RBFOX1: variants seen among roughly 807,000 people sequenced by gnomAD.
RBFOX1 encodes the protein RNA binding protein fox-1 homolog 1.
RBFOX1 carries 8 observed loss-of-function variants against 57.7 expected under a neutral mutation model. The ratio of observed to expected loss-of-function variants is 0.14; its 90% CI spans 0.08 to 0.25. RBFOX1 has a LOEUF of 0.25. Among genes scored for constraint, RBFOX1 ranks in the 10% least tolerant of loss-of-function variants. RBFOX1 has a pLI of 1.00. For missense variants in RBFOX1, 611 were observed against 548.5 expected, an observed-to-expected ratio of 1.11 and a Z score of -1.14; for synonymous variants, 326 against 222.4, an observed-to-expected ratio of 1.47 and a Z score of -4.15.
At chr16:6,860,164 C>T (rs1230263140) in intron 3 of RBFOX1, among the ~76,000 whole-genome samples, 1 of 152,186 alleles carries the variant, frequency 6.6e-6, no homozygotes, top group Admixed American at 6.5e-5. Flanking sequence ...TTTCTTGCTT[C>T]ATTTTCTGAG....
intron 1 of RBFOX1, among the ~76,000 whole-genome samples, chr16:5,455,113 A>T (rs977233587): frequency 6.7e-6 from 1 of 149,452 alleles, no homozygotes; most frequent in Non-Finnish European, 1.5e-5. Flanking sequence ...TTTCTCTCTA[A>T]AGTACCTTGA....
At chr16:6,952,615 G>A (rs987831322) in intron 3 of RBFOX1, among the ~76,000 whole-genome samples, 2 of 151,890 alleles carry the variant, frequency 1.3e-5, no homozygotes, top group Non-Finnish European at 2.9e-5. Context: ...TACAGCCTGG[G>A]CAACAGAGCA....
intron 3 of RBFOX1, among the ~76,000 whole-genome samples, chr16:6,673,840 T>C (rs1050697686): frequency 2.0e-5 from 3 of 152,078 alleles, no homozygotes. Context: ...AAGACAGTGC[T>C]AGAGAGAAAA....
intron 4 of RBFOX1, among the ~76,000 whole-genome samples, chr16:6,007,182 G>A (rs950019187): frequency 2.0e-5 from 3 of 152,134 alleles, no homozygotes; most frequent in Non-Finnish European, 2.9e-5. Flanking sequence ...TCAGCTTGGC[G>A]TGAATGAATT....
At position 7,506,210 on chromosome 16, in the gene RBFOX1, AAAAAAAAT is replaced by A. The variant is rs1266716842; in HGVS notation, c.28-11936_28-11929del. 2.4e-3 allele frequency among the ~76,000 whole-genome samples: 361 copies of A among 149,218 alleles called. 5 individuals carry two copies. The highest frequency in any genetic ancestry group is 8.9e-3 in the African/African-American group (352 of 39,488). On this transcript the variant is annotated intron_variant, in intron 4 of 15. Coordinates refer to ENST00000550418, the MANE Select transcript of RBFOX1 (RefSeq NM_018723.4). ...AAAAAAAAAAAAAAAAAAAAAAAAAAAAAAAAATTTCTGTAAGCTGGCATAGTTACCAG... is the reference window on the plus strand; with the variant it reads ...AAAAAAAAAAAAAAAAAAAAAAAAAATTCTGTAAGCTGGCATAGTTACCAG...
At chr16:6,082,277 T>C (rs1196714997) in intron 1 of RBFOX1, among the ~76,000 whole-genome samples, 1 of 145,688 alleles carries the variant, frequency 6.9e-6, no homozygotes, top group Non-Finnish European at 1.5e-5. Flanking sequence ...GCCTCCCAGA[T>C]TCAAGCGATT....
At chr16:6,297,669 C>T (rs186107324) in intron 1 of RBFOX1, among the ~76,000 whole-genome samples, 181 of 152,184 alleles carry the variant, frequency 1.2e-3, no homozygotes, top group African/African-American at 3.8e-3. Flanking sequence ...TGGCCCACCA[C>T]ACCCCCCTAT....
chr16:6,002,659 G>C (rs1245455844), intron 4 of RBFOX1, among the ~76,000 whole-genome samples: 2 of 152,156 alleles, frequency 1.3e-5, no homozygotes, highest in African/African-American at 2.4e-5. Flanking sequence ...TTTCCAGAAA[G>C]GACACAGCTT....
At chr16:5,690,205 A>G (rs1441333852) in intron 3 of RBFOX1, among the ~76,000 whole-genome samples, 1 of 152,248 alleles carries the variant, frequency 6.6e-6, no homozygotes, top group Non-Finnish European at 1.5e-5. Flanking sequence ...GAAAGGGCAT[A>G]CATTGAAGAC....
chr16:7,374,469 G>T (rs140431606), intron 4 of RBFOX1, among the ~76,000 whole-genome samples: 1 of 152,084 alleles, frequency 6.6e-6, no homozygotes, highest in East Asian at 1.9e-4. Flanking sequence ...AAGATATGGT[G>T]TAACTGTATC....
At chr16:6,870,142 G>A (rs1360867731) in intron 3 of RBFOX1, among the ~76,000 whole-genome samples, 1 of 152,128 alleles carries the variant, frequency 6.6e-6, no homozygotes, top group Admixed American at 6.5e-5. Context: ...GGACCACCTA[G>A]TTTTCACAGG....
intron 3 of RBFOX1, among the ~76,000 whole-genome samples, chr16:7,045,888 C>T (rs975126320): frequency 2.6e-5 from 4 of 152,086 alleles, no homozygotes; most frequent in African/African-American, 9.7e-5. Context: ...GAACTCCTGA[C>T]CTCAGATGAT....
intron 3 of RBFOX1, among the ~76,000 whole-genome samples, chr16:5,730,832 T>C (rs565110968): frequency 6.6e-6 from 1 of 151,696 alleles, no homozygotes; most frequent in South Asian, 2.1e-4. Context: ...TCACCACCAT[T>C]ATCATCATCA....
intron 4 of RBFOX1, among the ~76,000 whole-genome samples, chr16:7,284,695 A>T (rs1297074688): frequency 1.3e-5 from 2 of 152,144 alleles, no homozygotes; most frequent in African/African-American, 4.8e-5. Context: ...TTCGGTGTTT[A>T]ATCCTGGATC....
chr16:6,346,678 AG>A (rs2085428911), intron 2 of RBFOX1, among the ~76,000 whole-genome samples: 1 of 152,154 alleles, frequency 6.6e-6, no homozygotes, highest in African/African-American at 2.4e-5. Context: ...ATTTGTCTAT[AG>A]TTTTTTTATT....
At chr16:5,775,887 T>C (rs896213293) in intron 3 of RBFOX1, among the ~76,000 whole-genome samples, 1 of 152,014 alleles carries the variant, frequency 6.6e-6, no homozygotes. Flanking sequence ...GGCCAGACAA[T>C]TGTTCTCCTT....
chr16:6,983,708 T>C lies in RBFOX1; in HGVS notation c.-15-68349T>C, dbSNP rs565153023. On this transcript the variant is annotated intron_variant, in intron 3 of 15. Transcript: ENST00000550418. ...TCCTGGGAAAACAGTGTTGCATCTC[T>C]AGGCTTGAAGGTCTGCTCTTCTGCT... The C allele has an allele frequency of 2.4e-4, 36 of 152,534 alleles. No homozygotes were observed. In the East Asian group the frequency reaches 5.8e-3, roughly 25 times the overall value. The allele number at this position is 152,534 out of a possible 1,614,324, so 9.4% of individuals were successfully genotyped here.
chr16:7,161,945 G>C (rs2078417481), intron 4 of RBFOX1, among the ~76,000 whole-genome samples: 2 of 152,178 alleles, frequency 1.3e-5, no homozygotes, highest in South Asian at 2.1e-4. Flanking sequence ...TACCCAAGTT[G>C]AGCTTTCCAG....
chr16:6,945,400 G>T (rs1305170576), intron 3 of RBFOX1, among the ~76,000 whole-genome samples: 2 of 149,146 alleles, frequency 1.3e-5, no homozygotes, highest in African/African-American at 4.8e-5. Flanking sequence ...GCCATTTCTA[G>T]ATGGCCATGC....
Sources: allele counts gnomAD v4.1 joint callset (sites outside exome capture counted in the v4.1 genomes callset), GRCh38; gene constraint gnomAD v4.1.1; transcripts MANE v1.5; gene names NCBI Gene and HGNC (gene_info 2026-07-23, HGNC 2026-07-21).